The following SYNRG variants were observed in gnomAD, a reference collection of about 807,000 sequenced individuals.
SYNRG encodes the protein synergin gamma, also known as AP1 gamma subunit binding protein 1.
In SYNRG, 37 loss-of-function variants were observed where a neutral mutation model predicts 130.9. The observed-to-expected ratio is 0.28, with a 90% CI of 0.22 to 0.37. The LOEUF is 0.37. SYNRG is among the 10% of genes least tolerant of loss of function. The pLI, the probability that SYNRG is intolerant of heterozygous loss-of-function variation, is 1.00. For missense variants in SYNRG, 1,338 were observed against 1,588.9 expected (o/e 0.84, Z 2.68); for synonymous variants, 539 against 568.1 (o/e 0.95, Z 0.73).
At chr17:37,607,977 A>AAAAAAAAC (rs1555802869) in intron 1 of SYNRG, among the ~76,000 whole-genome samples, 20 of 121,580 alleles carry the variant, frequency 1.6e-4, no homozygotes, top group South Asian at 5.1e-4. Flanking sequence ...AAAAAAAAAA[A>AAAAAAAAC]AAACAAGACA....
At chr17:37,555,247 C>T (rs1472942703) in intron 13 of SYNRG, among the ~76,000 whole-genome samples, 3 of 152,152 alleles carry the variant, frequency 2.0e-5, no homozygotes, top group African/African-American at 7.2e-5. Context: ...CTGCCTCAGC[C>T]TCCCAAGTAG....
intron 11 of SYNRG, among the ~76,000 whole-genome samples, chr17:37,564,896 A>T (rs139510421): frequency 6.6e-6 from 1 of 152,240 alleles, no homozygotes; most frequent in Non-Finnish European, 1.5e-5. Context: ...AGTGTCTGGC[A>T]TATAGCAAAT....
intron 19 of SYNRG, among the ~76,000 whole-genome samples, chr17:37,534,976 G>A (rs2057047555): frequency 1.3e-5 from 2 of 152,136 alleles, no homozygotes; most frequent in Admixed American, 1.3e-4. Flanking sequence ...GTGAAATAAA[G>A]GATATCATCA....
chr17:37,583,262 G>C (rs1192894509), intron 6 of SYNRG, among the ~76,000 whole-genome samples: 4 of 152,096 alleles, frequency 2.6e-5, no homozygotes, highest in Non-Finnish European at 5.9e-5. Flanking sequence ...CCTAGGTCTA[G>C]TTTTAGTATT....
rs2145395154 is a variant in SYNRG, at chr17:37,553,960, T to C, written c.1763A>G (p.Asp588Gly). The C allele has an allele frequency of 6.2e-7, 1 of 1,610,244 alleles. No individual in the cohort carries two copies. The highest frequency in any genetic ancestry group is 8.5e-7 in the Non-Finnish European group (1 of 1,179,270). ...SVSPLEPPTKDKTFPPSFPSG... is the reference protein window; with the variant it reads ...SVSPLEPPTKGKTFPPSFPSG... ...GGGGAAGGATGGTGGAAAAGTTTTGTCTTTTGTTGGTGGCTCTAGTGGTGA... is the reference window on the plus strand; with the variant it reads ...GGGGAAGGATGGTGGAAAAGTTTTGCCTTTTGTTGGTGGCTCTAGTGGTGA... Residue 588 changes from aspartate to glycine, a missense_variant, in exon 14 of 22, where the codon GAC (aspartate) becomes GGC (glycine). Physicochemically the swap from Asp to Gly is moderately conservative, Grantham distance 94. This residue lies in a region of SYNRG where 1,146 missense variants were observed against 1,342.3 expected (regional missense o/e 0.85). Transcript: ENST00000612223.
chr17:37,577,575 T>C lies in SYNRG; in HGVS notation c.628A>G (p.Ile210Val), dbSNP rs2060937257. 1 of 1,614,140 alleles carries C rather than the reference T, an allele frequency of 6.2e-7. No homozygotes were observed. Among genetic ancestry groups the C allele is most frequent in the Non-Finnish European group, 8.5e-7 (1 of 1,180,034 alleles). Reference protein sequence around the residue: ...LEEKFLVSCDISTSGQEQIKL... With the variant: ...LEEKFLVSCDVSTSGQEQIKL... The stretch of plus-strand genomic sequence containing the variant: ...ATTTGTTCCTGCCCAGATGTACTTA[T>C]ATCACAAGATACTAGGAACTTCTCC... Residue 210 changes from isoleucine to valine, a missense_variant, in exon 7 of 22, where the codon ATA (isoleucine) becomes GTA (valine). Coordinates refer to ENST00000612223, the MANE Select transcript of SYNRG (RefSeq NM_007247.6).
Position 37,600,678 on chromosome 17 carries a change from A to G in SYNRG, c.78-275T>C, listed in dbSNP as rs183914293. 2,324 of 548,510 alleles carry G rather than the reference A, an allele frequency of 4.2e-3. 16 individuals carry two copies. The highest frequency in any genetic ancestry group is 4.9e-3 in the Admixed American group (146 of 30,068). The allele number at this position is 548,510 out of a possible 1,614,324, so 34.0% of individuals were successfully genotyped here. ...GTCCTCTCTGGATTCCAGTTTCCCC[A>G]TCTATAAAATGAGAGAGTTTAGATT... On this transcript the variant is annotated intron_variant, in intron 1 of 21. Transcript: ENST00000612223.
In SYNRG at chr17:37,518,897, G is replaced by A. The variant is rs2054633730; in HGVS notation, c.*43C>T. 6.2e-7 allele frequency: 1 copy of A among 1,605,070 alleles called. No individual in the cohort carries two copies. Reference sequence around the variant, plus strand: ...TTATTGGTCCCTGTCACCCCGTGGGGTGTCACAGAAAAAAAAAAGTCAATG... The same window carrying A: ...TTATTGGTCCCTGTCACCCCGTGGGATGTCACAGAAAAAAAAAAGTCAATG... On this transcript the variant is annotated 3_prime_UTR_variant, in exon 22 of 22. Coordinates refer to ENST00000612223, the MANE Select transcript of SYNRG (RefSeq NM_007247.6).
rs143726351 is a variant in SYNRG at position 37,584,703 on chromosome 17, C to G, written c.534G>C (p.Gly178=). The G allele has an allele frequency of 1.9e-6, 3 of 1,613,702 alleles. No individual in the cohort carries two copies. Among genetic ancestry groups the G allele is most frequent in the Non-Finnish European group, 2.5e-6 (3 of 1,179,806 alleles). The change falls in exon 6 of 22, where the codon GGG becomes GGC. Residue 178 remains glycine, a synonymous_variant. Coordinates refer to ENST00000612223, the MANE Select transcript of SYNRG (RefSeq NM_007247.6). ...GGTGCATTTTTGCATCTCTGGAAAA[C>G]CCATCTAAATTTCCTTTTATGGCTT... ...ALEAIKGNLD[G]FSRDAKMHPT... is the part of the protein sequence containing the mutation.
chr17:37,591,899 G>A (rs965569937), intron 3 of SYNRG, among the ~76,000 whole-genome samples: 1 of 152,104 alleles, frequency 6.6e-6, no homozygotes, highest in Non-Finnish European at 1.5e-5. Flanking sequence ...GCAAGGCAAT[G>A]AACTCTTAGA....
chr17:37,529,532 A>G (rs1415858936), intron 19 of SYNRG, among the ~76,000 whole-genome samples: 1 of 73,614 alleles, frequency 1.4e-5, no homozygotes, highest in Non-Finnish European at 3.1e-5. Context: ...ATGTATATAT[A>G]TTTTACAAAA....
chr17:37,564,080 C>G (rs1007609712), intron 11 of SYNRG, among the ~76,000 whole-genome samples: 3 of 152,032 alleles, frequency 2.0e-5, no homozygotes, highest in Admixed American at 1.3e-4. Flanking sequence ...AACTCCTGAC[C>G]TCAGATGATG....
chr17:37,555,838 G>A (rs908098317), intron 13 of SYNRG, among the ~76,000 whole-genome samples: 1 of 152,022 alleles, frequency 6.6e-6, no homozygotes, highest in African/African-American at 2.4e-5. Context: ...CCTGGGAGGC[G>A]GAGCTTGCAG....
chr17:37,538,587 T>C (rs2057424789), intron 17 of SYNRG, among the ~76,000 whole-genome samples, 167 bp from the exon 18 acceptor site: 1 of 152,246 alleles, frequency 6.6e-6, no homozygotes, highest in Admixed American at 6.5e-5. Context: ...TATGTTTTTT[T>C]CCTTTTGTTT....
intron 13 of SYNRG, among the ~76,000 whole-genome samples, chr17:37,556,778 G>C (rs987667326): frequency 6.6e-6 from 1 of 152,188 alleles, no homozygotes; most frequent in East Asian, 1.9e-4. Context: ...TAGAATTTTA[G>C]ATTAGTAGTA....
At position 37,516,579 on chromosome 17, in the gene SYNRG, G is replaced by A. The variant is rs2054439798; in HGVS notation, c.*2361C>T. 1 of 151,556 alleles carries A rather than the reference G, an allele frequency of 6.6e-6. No homozygotes were observed. Among genetic ancestry groups the A allele is most frequent in the Admixed American group, 6.6e-5 (1 of 15,214 alleles). 9.4% of individuals were successfully genotyped at this position (151,556 alleles called of 1,614,324 possible). On this transcript the variant is annotated 3_prime_UTR_variant, in exon 22 of 22. Coordinates refer to ENST00000612223, the MANE Select transcript of SYNRG (RefSeq NM_007247.6). ...TACCAAGTGAGCTTTTTAAAATGTT[G>A]ATACTGGGCCACTGTGACATGACAG...
intron 11 of SYNRG, 121 bp downstream of exon 11, chr17:37,568,670 C>T: frequency 9.3e-7 from 1 of 1,076,854 alleles, no homozygotes; most frequent in East Asian, 2.5e-5. Flanking sequence ...AGGGAATAAA[C>T]ACAGAAAGTA....
intron 18 of SYNRG, chr17:37,537,350 A>G (rs2057292208): frequency 6.6e-6 from 1 of 152,378 alleles, no homozygotes; most frequent in Non-Finnish European, 1.5e-5. Context: ...ACAAGTAGCT[A>G]GGTGCAGTGG....
chr17:37,570,306 C>T (rs1466694361), intron 10 of SYNRG, among the ~76,000 whole-genome samples: 1 of 152,068 alleles, frequency 6.6e-6, no homozygotes, highest in African/African-American at 2.4e-5. Context: ...TACACACTAT[C>T]ATGCCCAGCT....
Sources: gnomAD v4.1 joint callset for allele counts (sites outside exome capture counted in the v4.1 genomes callset) on GRCh38, gnomAD v4.1.1 for gene constraint, gnomAD v4.1.1 regional missense constraint, MANE v1.5 for transcripts, NCBI Gene and HGNC (gene_info 2026-07-23, HGNC 2026-07-21) for gene names.